The following ABCA10 variants were observed in gnomAD, a reference collection of about 807,000 sequenced individuals.
ABCA10 encodes the protein ATP-binding cassette sub-family A member 10.
In ABCA10, 169 loss-of-function variants were observed where a neutral mutation model predicts 187.5. The ratio of observed to expected loss-of-function variants is 0.90; its 90% CI spans 0.80 to 1.02. The LOEUF (loss-of-function observed/expected upper bound fraction) is 1.02. Among genes scored for constraint, ABCA10 ranks in the 50% least tolerant of loss-of-function variants. The pLI, the probability that ABCA10 is intolerant of heterozygous loss-of-function variation, is 0.00. For missense variants in ABCA10, 1,727 were observed against 1,812.4 expected (o/e 0.95, Z 0.86); for synonymous variants, 574 against 601.8 (o/e 0.95, Z 0.68).
At chr17:69,149,918 G>T in intron 37 of ABCA10, 66 bp downstream of exon 37, 2 of 1,221,718 alleles carry the variant, frequency 1.6e-6, no homozygotes, top group Non-Finnish European at 2.4e-6. Context: ...AAATTACATA[G>T]TCTATATTCC....
chr17:69,184,457 A>G (rs1327636418), intron 20 of ABCA10, among the ~76,000 whole-genome samples: 1 of 152,050 alleles, frequency 6.6e-6, no homozygotes, highest in African/African-American at 2.4e-5. Flanking sequence ...ACTACAACCA[A>G]GGACCCTCAC....
intron 8 of ABCA10, 87 bp downstream of exon 8, chr17:69,215,728 T>A (rs765781198): frequency 1.1e-5 from 13 of 1,220,892 alleles, no homozygotes; most frequent in Non-Finnish European, 1.4e-5. Flanking sequence ...AGTGGCTGAT[T>A]ATTAAATTTC....
At position 69,225,317 on chromosome 17, in the gene ABCA10, C is replaced by T. The variant is rs756013304; in HGVS notation, c.34+8G>A. 2.4e-5 allele frequency: 39 copies of T among 1,612,784 alleles called. No homozygotes were observed. The South Asian group carries it at 4.2e-4, about 17-fold the overall frequency. ...TAATACTGAAACATTGGTTATTGGA[C>T]AACACACCTTTCATAAAGGAAGCCA... On this transcript the variant is annotated splice_region_variant and intron_variant, in intron 3 of 38. Coordinates refer to ENST00000690296, the MANE Select transcript of ABCA10 (RefSeq NM_001377321.1).
chr17:69,202,070 A>C (rs768749810), intron 9 of ABCA10, among the ~76,000 whole-genome samples: 17 of 152,232 alleles, frequency 1.1e-4, no homozygotes, highest in Non-Finnish European at 1.6e-4. Context: ...GGCGTGAGCC[A>C]CCGTGCCCGG....
At position 69,153,957 on chromosome 17, in the gene ABCA10, AG is replaced by A; in HGVS notation, c.3838del (p.Leu1280SerfsTer19). On this transcript the variant is annotated frameshift_variant, in exon 32 of 39. Transcript: ENST00000690296. LOFTEE classifies it high-confidence loss of function. ...CTGAGGGCAGTACCCCAAGAACTTGAGGCTGTTGTCATGCTGTTGCCTTACT... is the reference window on the plus strand; with the variant it reads ...CTGAGGGCAGTACCCCAAGAACTTGAGCTGTTGTCATGCTGTTGCCTTACT... The part of the protein sequence containing the change: ...ASVRQQHDNS[L>X]KFLGYCPQEN... 1 of 1,614,086 alleles carries A rather than the reference AG, an allele frequency of 6.2e-7. No homozygotes were observed. The highest frequency in any genetic ancestry group is 8.5e-7 in the Non-Finnish European group (1 of 1,179,984).
At chr17:69,229,805 T>C (rs1460841399), upstream of ABCA10, among the ~76,000 whole-genome samples, 1 of 151,992 alleles carries the variant, frequency 6.6e-6, no homozygotes, top group African/African-American at 2.4e-5. Flanking sequence ...ATAGAAAACA[T>C]GAAACTTAAC....
chr17:69,225,554 G>A, intron 2 of ABCA10, 25 bp from the exon 3 acceptor site: 1 of 543,078 alleles, frequency 1.8e-6, no homozygotes, highest in South Asian at 2.8e-5. Context: ...AGAGAAATGA[G>A]CCATGTTATA....
chr17:69,237,137 T>G (rs1012387580), intron 1 of ABCA10, among the ~76,000 whole-genome samples: 1 of 152,216 alleles, frequency 6.6e-6, no homozygotes, highest in Non-Finnish European at 1.5e-5. Context: ...ATTCATGATG[T>G]CATCAATGGA....
intron 4 of ABCA10, among the ~76,000 whole-genome samples, chr17:69,222,209 T>C (rs1238995669): frequency 6.6e-6 from 1 of 151,344 alleles, no homozygotes; most frequent in African/African-American, 2.4e-5. Flanking sequence ...ACAAAAAAAT[T>C]AGCCTGTAGT....
Position 69,201,586 on chromosome 17 carries a change from G to T in ABCA10, c.1089C>A (p.Ile363=), listed in dbSNP as rs2074545361. ...GCTCAGGATTTATTTCATTCTCAAA[G>T]ATTTCATGATGAGTATTTTGATGTT... The part of the protein sequence containing the change: ...WSKHQNTHHE[I]FENEINPEHS... The change falls in exon 10 of 39, where the codon ATC becomes ATA. Residue 363 remains isoleucine, a synonymous_variant. Coordinates refer to ENST00000690296, the MANE Select transcript of ABCA10 (RefSeq NM_001377321.1). The T allele has an allele frequency of 1.9e-6, 3 of 1,612,742 alleles. No individual in the cohort carries two copies. Among genetic ancestry groups the T allele is most frequent in the Non-Finnish European group, 1.7e-6 (2 of 1,179,574 alleles).
intron 29 of ABCA10, 46 bp from the exon 30 acceptor site, chr17:69,155,182 C>A: frequency 7.1e-7 from 1 of 1,414,574 alleles, no homozygotes; most frequent in Non-Finnish European, 9.9e-7. Flanking sequence ...ATTTCAGATA[C>A]TTTACGAATT....
At chr17:69,211,337 A>ATGTG (rs2074653643) in intron 9 of ABCA10, among the ~76,000 whole-genome samples, 1 of 124,686 alleles carries the variant, frequency 8.0e-6, no homozygotes, top group African/African-American at 3.0e-5. Context: ...ATATATATAT[A>ATGTG]TATATATATA....
Position 69,201,435 on chromosome 17 carries a change from A to G in ABCA10, c.1175+65T>C, listed in dbSNP as rs1306102630. The G allele has an allele frequency of 7.6e-6, 10 of 1,323,272 alleles. No individual in the cohort carries two copies. The East Asian group carries it at 2.5e-4, about 33-fold the overall frequency. The allele number at this position is 1,323,272 out of a possible 1,614,324, so 82.0% of individuals were successfully genotyped here. A position where few individuals can be genotyped will look rare whatever the true frequency, so the allele number is the denominator to read the frequency against. On this transcript the variant is annotated intron_variant, in intron 10 of 38. Coordinates refer to ENST00000690296, the MANE Select transcript of ABCA10 (RefSeq NM_001377321.1). ...AACACATAATCTATATCAACATTTG[A>G]CCTGCAGCTTCATTTACTAAGCTTT...
At chr17:69,202,437 T>G (rs924566777) in intron 9 of ABCA10, among the ~76,000 whole-genome samples, 10 of 152,084 alleles carry the variant, frequency 6.6e-5, no homozygotes, top group African/African-American at 2.4e-4. Flanking sequence ...ATGAACATAT[T>G]AAGAATGTTA....
intron 4 of ABCA10, among the ~76,000 whole-genome samples, 181 bp from the exon 5 acceptor site, chr17:69,222,076 CA>C (rs1224356946): frequency 5.3e-5 from 8 of 152,120 alleles, no homozygotes; most frequent in African/African-American, 1.9e-4. Flanking sequence ...CATATGATGG[CA>C]GGGGCAGTGG....
upstream of ABCA10, among the ~76,000 whole-genome samples, chr17:69,232,027 G>GT (rs2074835346): frequency 6.6e-6 from 1 of 151,604 alleles, no homozygotes; most frequent in Non-Finnish European, 1.5e-5. Context: ...TAAAGTTTTG[G>GT]TTATTTTATC....
chr17:69,199,778 T>C, intron 10 of ABCA10, among the ~76,000 whole-genome samples: 1 of 152,222 alleles, frequency 6.6e-6, no homozygotes, highest in Admixed American at 6.5e-5. Context: ...AGACGAGCTT[T>C]CGGCCTGACA....
At chr17:69,210,865 T>TATATATATA (rs1555662878) in intron 9 of ABCA10, among the ~76,000 whole-genome samples, 6 of 145,516 alleles carry the variant, frequency 4.1e-5, no homozygotes, top group African/African-American at 1.4e-4. Context: ...TATATATATA[T>TATATATATA]GCCATATTTC....
At chr17:69,192,511 C>T (rs1335298296) in intron 16 of ABCA10, 52 bp downstream of exon 16, 1 of 1,452,996 alleles carries the variant, frequency 6.9e-7, no homozygotes. Flanking sequence ...TACAAAATGT[C>T]ACCCTCATAT....
Sources: allele counts gnomAD v4.1 joint callset (sites outside exome capture counted in the v4.1 genomes callset), GRCh38; gene constraint gnomAD v4.1.1; transcripts MANE v1.5; gene names NCBI Gene and HGNC (gene_info 2026-07-23, HGNC 2026-07-21).